The following ASIC2 variants were observed in gnomAD, a reference collection of about 807,000 sequenced individuals.
ASIC2 encodes acid-sensing ion channel 2.
A neutral mutation model predicts 57.3 loss-of-function variants in ASIC2; 25 were observed. That is an observed-to-expected ratio of 0.44 (90% CI 0.32 to 0.61). The LOEUF is 0.61. ASIC2 is among the 20% of genes least tolerant of loss of function. ASIC2 has a pLI of 0.06. For missense variants in ASIC2, 641 were observed against 738.1 expected (o/e 0.87, Z 1.52); for synonymous variants, 319 against 307.5 (o/e 1.04, Z -0.39).
intron 2 of ASIC2, 165 bp downstream of exon 2, chr17:33,111,752 T>C (rs1168913595): frequency 9.9e-7 from 1 of 1,013,372 alleles, no homozygotes; most frequent in Admixed American, 3.2e-5. Context: ...ACCCAGGGCA[T>C]CCCAGCCCAA....
chr17:33,391,561 T>C (rs1287850692), intron 1 of ASIC2, among the ~76,000 whole-genome samples: 1 of 152,236 alleles, frequency 6.6e-6, no homozygotes, highest in Non-Finnish European at 1.5e-5. Flanking sequence ...ATCTAAGTCC[T>C]TGATGGACTT....
chr17:33,583,169 T>C (rs575624390), intron 1 of ASIC2, among the ~76,000 whole-genome samples: 3 of 152,354 alleles, frequency 2.0e-5, no homozygotes, highest in Non-Finnish European at 4.4e-5. Flanking sequence ...AGTTTTATTG[T>C]TGTTTTTCTT....
At chr17:33,388,099 A>AAACAG (rs1469500736) in intron 1 of ASIC2, among the ~76,000 whole-genome samples, 21 of 151,822 alleles carry the variant, frequency 1.4e-4, no homozygotes, top group Admixed American at 3.9e-4. Flanking sequence ...AAGCAAAGCA[A>AAACAG]AACAAAACAA....
chr17:33,214,475 G>T (rs547860809), intron 1 of ASIC2, among the ~76,000 whole-genome samples: 1 of 151,078 alleles, frequency 6.6e-6, no homozygotes, highest in Non-Finnish European at 1.5e-5. Flanking sequence ...GTATATTAGA[G>T]CTCCCTGGCA....
chr17:33,282,283 T>C, intron 1 of ASIC2, among the ~76,000 whole-genome samples: 1 of 152,200 alleles, frequency 6.6e-6, no homozygotes, highest in East Asian at 1.9e-4. Flanking sequence ...CCAGCTAAAA[T>C]CAAAGGCCGG....
At chr17:33,219,201 T>C in intron 1 of ASIC2, among the ~76,000 whole-genome samples, 1 of 152,156 alleles carries the variant, frequency 6.6e-6, no homozygotes, top group Non-Finnish European at 1.5e-5. Context: ...AAGTAGTTGA[T>C]GGCTTCCCGG....
intron 1 of ASIC2, among the ~76,000 whole-genome samples, chr17:33,539,060 G>A (rs1314065715): frequency 1.3e-5 from 2 of 152,130 alleles, no homozygotes; most frequent in Non-Finnish European, 2.9e-5. Flanking sequence ...GAACACAATC[G>A]CCTCTGATGA....
chr17:33,326,840 G>T (rs1324668459), intron 1 of ASIC2, among the ~76,000 whole-genome samples: 1 of 152,028 alleles, frequency 6.6e-6, no homozygotes, highest in Non-Finnish European at 1.5e-5. Flanking sequence ...CTTTTACTTT[G>T]TTCCTTTCTT....
At chr17:34,103,205 G>A (rs1479841596) in intron 1 of ASIC2, among the ~76,000 whole-genome samples, 8 of 152,134 alleles carry the variant, frequency 5.3e-5, no homozygotes, top group African/African-American at 1.9e-4. Context: ...AAATGCCGTG[G>A]CACTATCATG....
intron 1 of ASIC2, among the ~76,000 whole-genome samples, chr17:33,949,629 C>G (rs1210128951): frequency 2.6e-5 from 4 of 152,160 alleles, no homozygotes; most frequent in Non-Finnish European, 4.4e-5. Context: ...AACCATGCGT[C>G]ATGTCCTCCC....
At chr17:33,089,255 G>A (rs572597351) in intron 2 of ASIC2, among the ~76,000 whole-genome samples, 6 of 152,210 alleles carry the variant, frequency 3.9e-5, no homozygotes, top group Non-Finnish European at 7.3e-5. Context: ...TGTAATCACA[G>A]AGGTTCCTAT....
At chr17:33,117,055 T>C (rs1387746100) in intron 1 of ASIC2, among the ~76,000 whole-genome samples, 1 of 151,922 alleles carries the variant, frequency 6.6e-6, no homozygotes, top group African/African-American at 2.4e-5. Flanking sequence ...GGTTTCACTA[T>C]GTTGCCCAGG....
intron 1 of ASIC2, among the ~76,000 whole-genome samples, chr17:33,118,866 C>T (rs1466202249): frequency 1.3e-5 from 2 of 152,088 alleles, no homozygotes; most frequent in East Asian, 3.9e-4. Flanking sequence ...TGCATCCAGG[C>T]ATAAGAGTAA....
intron 1 of ASIC2, among the ~76,000 whole-genome samples, chr17:33,932,003 T>C (rs916813760): frequency 3.3e-5 from 5 of 152,190 alleles, no homozygotes; most frequent in African/African-American, 1.2e-4. Context: ...TTATATCCTC[T>C]CTACTTCTGG....
At chr17:33,374,085 T>G (rs759886501) in intron 1 of ASIC2, among the ~76,000 whole-genome samples, 1 of 152,130 alleles carries the variant, frequency 6.6e-6, no homozygotes, top group Admixed American at 6.5e-5. Flanking sequence ...AACCACCACC[T>G]CCTGGGCTCA....
intron 1 of ASIC2, among the ~76,000 whole-genome samples, chr17:33,404,845 A>G (rs906968751): frequency 2.0e-5 from 3 of 152,208 alleles, no homozygotes; most frequent in African/African-American, 7.2e-5. Flanking sequence ...TGGCTATTAT[A>G]TTACCCATTA....
intron 1 of ASIC2, among the ~76,000 whole-genome samples, chr17:33,465,973 T>C (rs1028371559): frequency 1.4e-4 from 22 of 152,290 alleles, no homozygotes; most frequent in Middle Eastern, 3.4e-3. Context: ...GAGAGTGTAG[T>C]CAGACTTAGA....
chr17:33,616,241 T>C (rs1280282006), intron 1 of ASIC2, among the ~76,000 whole-genome samples: 1 of 114,806 alleles, frequency 8.7e-6, no homozygotes, highest in East Asian at 2.9e-4. Context: ...TTCTTCCAAA[T>C]GAGAAAGTAT....
chr17:33,426,761 G>A lies in ASIC2; in HGVS notation c.556-314694C>T, dbSNP rs200899970. Among the ~76,000 whole-genome samples, 32 of 152,288 alleles carry A rather than the reference G, an allele frequency of 2.1e-4. No homozygotes were observed. In the East Asian group the frequency reaches 4.8e-3, roughly 23 times the overall value. Reference sequence around the variant, plus strand: ...GGGCAGGCAGCAAACAAAAGTCCATGATCTCTGTCCTCATGGAGCTTCTAG... The same window carrying A: ...GGGCAGGCAGCAAACAAAAGTCCATAATCTCTGTCCTCATGGAGCTTCTAG... On this transcript the variant is annotated intron_variant, in intron 1 of 9. Coordinates refer to the ASIC2 transcript ENST00000359872.
Sources: gnomAD v4.1 joint callset for allele counts (sites outside exome capture counted in the v4.1 genomes callset) on GRCh38, gnomAD v4.1.1 for gene constraint, MANE v1.5 for transcripts, NCBI Gene and HGNC (gene_info 2026-07-23, HGNC 2026-07-21) for gene names.